MEMO1: variants seen among roughly 807,000 people sequenced by gnomAD.
MEMO1 encodes the protein mediator of cell motility 1, also known as protein MEMO1.
In MEMO1, 6 loss-of-function variants were observed where a neutral mutation model predicts 45.2. The ratio of observed to expected loss-of-function variants is 0.13; its 90% CI spans 0.07 to 0.26. The LOEUF (loss-of-function observed/expected upper bound fraction) is 0.26, where lower values mean the gene tolerates loss of function less well. Ranked by LOEUF, MEMO1 falls within the 10% of genes least tolerant of loss-of-function variation. The pLI, the probability that MEMO1 is intolerant of heterozygous loss-of-function variation, is 1.00. For synonymous variants in MEMO1, 78 were observed against 124.3 expected, an observed-to-expected ratio of 0.63 and a Z score of 2.48; for missense variants, 184 against 370.5, an observed-to-expected ratio of 0.50 and a Z score of 4.13.
intron 2 of MEMO1, among the ~76,000 whole-genome samples, chr2:31,974,602 G>A (rs751407389): frequency 4.6e-5 from 7 of 151,940 alleles, no homozygotes; most frequent in Admixed American, 6.6e-5. Context: ...AAAATTAGCC[G>A]GGCATGGTTG....
At chr2:32,000,531 A>G (rs903541987) in intron 2 of MEMO1, among the ~76,000 whole-genome samples, 3 of 151,268 alleles carry the variant, frequency 2.0e-5, no homozygotes, top group Non-Finnish European at 4.4e-5. Flanking sequence ...TGCCCGGCCA[A>G]TTTTTTGTAT....
At chr2:31,984,706 T>C (rs987392233) in intron 2 of MEMO1, among the ~76,000 whole-genome samples, 2 of 152,140 alleles carry the variant, frequency 1.3e-5, no homozygotes, top group Non-Finnish European at 2.9e-5. Context: ...GTCGGGAGGC[T>C]GAGGCAGGAG....
intron 2 of MEMO1, among the ~76,000 whole-genome samples, chr2:31,958,334 C>T (rs547438016): frequency 1.3e-5 from 2 of 151,454 alleles, no homozygotes; most frequent in East Asian, 2.0e-4. Context: ...TTGGAATGAA[C>T]TGCCTGACGC....
intron 2 of MEMO1, among the ~76,000 whole-genome samples, chr2:31,965,412 G>A (rs1041410251): frequency 6.6e-6 from 1 of 151,998 alleles, no homozygotes; most frequent in Non-Finnish European, 1.5e-5. Flanking sequence ...GGGTACAGAT[G>A]AAACAAGTCA....
At chr2:32,010,764 C>A (rs1348454618) in intron 1 of MEMO1, among the ~76,000 whole-genome samples, 178 bp downstream of exon 1, 1 of 151,520 alleles carries the variant, frequency 6.6e-6, no homozygotes, top group African/African-American at 2.4e-5. Context: ...CCCCGCCCCG[C>A]TCCTCCTCCC....
intron 7 of MEMO1, among the ~76,000 whole-genome samples, chr2:31,884,068 T>C (rs975376191): frequency 6.6e-6 from 1 of 151,902 alleles, no homozygotes; most frequent in Non-Finnish European, 1.5e-5. Context: ...AATATAAATA[T>C]AATAAATATT....
intron 4 of MEMO1, chr2:31,923,819 A>G (rs1019113927): frequency 2.1e-6 from 3 of 1,438,904 alleles, no homozygotes; most frequent in East Asian, 2.6e-5. Flanking sequence ...AGTAAGTGTA[A>G]TAAGGTTCTA....
chr2:31,980,459 AT>A (rs920685751), intron 2 of MEMO1, among the ~76,000 whole-genome samples: 16 of 151,996 alleles, frequency 1.1e-4, no homozygotes, highest in Middle Eastern at 3.2e-3. Context: ...TAATTTTTAG[AT>A]TTTTTTTATT....
intron 2 of MEMO1, among the ~76,000 whole-genome samples, chr2:31,974,342 T>C (rs1364413614): frequency 6.6e-6 from 1 of 152,218 alleles, no homozygotes; most frequent in Non-Finnish European, 1.5e-5. Context: ...ATTCAAAATA[T>C]ACTTATTTAA....
chr2:31,947,039 T>C (rs1042295147), intron 2 of MEMO1, among the ~76,000 whole-genome samples: 8 of 152,118 alleles, frequency 5.3e-5, no homozygotes, highest in African/African-American at 1.9e-4. Flanking sequence ...GGTTGGCAAA[T>C]ACACTCTTAT....
intron 3 of MEMO1, among the ~76,000 whole-genome samples, chr2:31,938,540 C>T (rs1430458823): frequency 6.6e-6 from 1 of 151,664 alleles, no homozygotes; most frequent in African/African-American, 2.4e-5. Context: ...CCCAGCTACT[C>T]GGGAGGCTGA....
chr2:31,919,390 C>G (rs1681940176), intron 5 of MEMO1, among the ~76,000 whole-genome samples: 1 of 152,094 alleles, frequency 6.6e-6, no homozygotes, highest in Admixed American at 6.5e-5. Context: ...TGAGCTCAAG[C>G]AGTCTGCCCA....
At position 31,909,776 on chromosome 2, in the gene MEMO1, G is replaced by C. The variant is rs559779693; in HGVS notation, c.437+8150C>G. ...TTTTTAAATCCTAAAATTTATAAAA[G>C]GTATAACACATATAAAATGGGAATA... On this transcript the variant is annotated intron_variant, in intron 6 of 9. Coordinates refer to ENST00000404530, the MANE Select transcript of MEMO1 (RefSeq NM_001301833.4). Among the ~76,000 whole-genome samples the C allele has an allele frequency of 2.6e-5, 4 of 151,936 alleles. 1 individual carries two copies. Among genetic ancestry groups the C allele is most frequent in the African/African-American group, 7.2e-5 (3 of 41,462 alleles).
chr2:31,983,013 TG>T (rs1572888780), intron 2 of MEMO1, among the ~76,000 whole-genome samples: 1 of 151,490 alleles, frequency 6.6e-6, no homozygotes, highest in East Asian at 1.9e-4. Context: ...CCGAGGTGGG[TG>T]GATCACTTGA....
chr2:31,904,071 C>G (rs1381867343), intron 6 of MEMO1, among the ~76,000 whole-genome samples: 1 of 152,196 alleles, frequency 6.6e-6, no homozygotes, highest in Non-Finnish European at 1.5e-5. Flanking sequence ...GATGGCATTT[C>G]AGAGAGTCAA....
rs1558571877 is a variant in MEMO1 at position 32,004,028 on chromosome 2, T to G, written c.61+6159A>C. On this transcript the variant is annotated intron_variant, in intron 2 of 9. Coordinates refer to ENST00000404530, the MANE Select transcript of MEMO1 (RefSeq NM_001301833.4). ...GTGAGACACCATCTCTACAAAAAAT[T>G]TTAAAACTTAGCCAGGCATGATAGT... Among the ~76,000 whole-genome samples, 5 of 151,458 alleles carry G rather than the reference T, an allele frequency of 3.3e-5. No homozygotes were observed. In the South Asian group the frequency reaches 1.0e-3, roughly 32 times the overall value.
chr2:31,933,348 A>AAAAAATATATAT (rs1558514269), intron 3 of MEMO1, among the ~76,000 whole-genome samples: 1 of 16,186 alleles, frequency 6.2e-5, no homozygotes, highest in Non-Finnish European at 1.0e-4. Context: ...AAAAAAAAAA[A>AAAAAATATATAT]ATTTATATAT....
At chr2:31,974,690 G>T (rs1247341955) in intron 2 of MEMO1, among the ~76,000 whole-genome samples, 1 of 151,804 alleles carries the variant, frequency 6.6e-6, no homozygotes. Flanking sequence ...GGGTTGCGGG[G>T]AGGCACAGAG....
chr2:31,964,729 A>T (rs34738692), intron 2 of MEMO1, among the ~76,000 whole-genome samples: 18,609 of 152,032 alleles, frequency 0.12, 1,245 homozygotes, highest in Middle Eastern at 0.19. Context: ...AATAAATAAT[A>T]AAAATTAAAA....
Sources: gnomAD v4.1 joint callset for allele counts (sites outside exome capture counted in the v4.1 genomes callset) on GRCh38, gnomAD v4.1.1 for gene constraint, MANE v1.5 for transcripts, NCBI Gene and HGNC (gene_info 2026-07-23, HGNC 2026-07-21) for gene names.